NDUFAF2: variants seen among roughly 807,000 people sequenced by gnomAD.
NDUFAF2 encodes NADH:ubiquinone oxidoreductase complex assembly factor 2, also known as NADH dehydrogenase [ubiquinone] 1 alpha subcomplex assembly factor 2.
Under a neutral mutation model 22.8 loss-of-function variants are expected in NDUFAF2, and 13 were observed. That is an observed-to-expected ratio of 0.57 (90% CI 0.37 to 0.91). The LOEUF is 0.91. Among genes scored for constraint, NDUFAF2 ranks in the 40% least tolerant of loss-of-function variants. NDUFAF2 has a pLI of 0.01. For synonymous variants in NDUFAF2, 53 were observed against 64.2 expected (o/e 0.83, Z 0.84); for missense variants, 162 against 195.2 (o/e 0.83, Z 1.01).
intron 1 of NDUFAF2, among the ~76,000 whole-genome samples, chr5:60,970,909 A>C (rs1242876591): frequency 6.6e-6 from 1 of 152,114 alleles, no homozygotes; most frequent in East Asian, 1.9e-4. Context: ...TTTTGTCTAC[A>C]TAATTTGTCT....
intron 2 of NDUFAF2, among the ~76,000 whole-genome samples, chr5:61,085,183 A>G (rs1390150091): frequency 6.6e-6 from 1 of 152,218 alleles, no homozygotes; most frequent in Non-Finnish European, 1.5e-5. Context: ...CCAGCAATAT[A>G]TAAAAAGGGC....
At chr5:61,083,865 T>C (rs1462981717) in intron 2 of NDUFAF2, among the ~76,000 whole-genome samples, 3 of 151,836 alleles carry the variant, frequency 2.0e-5, no homozygotes, top group Non-Finnish European at 4.4e-5. Flanking sequence ...AACTCACTTA[T>C]CAATTGTATC....
intron 3 of NDUFAF2, among the ~76,000 whole-genome samples, chr5:61,114,185 C>G (rs1752878963): frequency 6.6e-6 from 1 of 152,070 alleles, no homozygotes; most frequent in Admixed American, 6.6e-5. Flanking sequence ...AGGTTATTTT[C>G]TAGATCATGT....
At position 61,074,621 on chromosome 5, in the gene NDUFAF2, G is replaced by A. The variant is rs532060016; in HGVS notation, c.217+1407G>A. Among the ~76,000 whole-genome samples, 11 of 148,430 alleles carry A rather than the reference G, an allele frequency of 7.4e-5. No individual in the cohort carries two copies. In the South Asian group the frequency reaches 2.2e-3, roughly 29 times the overall value. On this transcript the variant is annotated intron_variant, in intron 2 of 3. Coordinates refer to ENST00000296597, the MANE Select transcript of NDUFAF2 (RefSeq NM_174889.5). ...AAAAAATTCAAAAAATTAGCCAGTC[G>A]TGGTGGCACAGGCCTGTAATCCCAG...
intron 3 of NDUFAF2, among the ~76,000 whole-genome samples, chr5:61,105,912 C>A (rs1752757403): frequency 1.3e-5 from 2 of 151,324 alleles, no homozygotes; most frequent in Admixed American, 6.6e-5. Context: ...AAGAATGAAT[C>A]CTAATCTGGC....
intron 3 of NDUFAF2, among the ~76,000 whole-genome samples, chr5:61,148,219 A>G (rs1471381960): frequency 2.0e-5 from 3 of 152,142 alleles, no homozygotes; most frequent in African/African-American, 7.2e-5. Context: ...GCAACCAGTA[A>G]TGTGTCTCCA....
intron 1 of NDUFAF2, among the ~76,000 whole-genome samples, chr5:60,990,005 G>A (rs1438106863): frequency 1.3e-5 from 2 of 152,104 alleles, no homozygotes; most frequent in African/African-American, 2.4e-5. Context: ...TTGCAACAAC[G>A]TAGATGGAAC....
intron 1 of NDUFAF2, among the ~76,000 whole-genome samples, chr5:61,049,461 A>T (rs1051259332): frequency 3.9e-5 from 6 of 152,306 alleles, no homozygotes; most frequent in Admixed American, 3.3e-4. Context: ...TACACATAAC[A>T]TAAAATTTAC....
At chr5:61,008,250 T>C (rs1751397841) in intron 1 of NDUFAF2, among the ~76,000 whole-genome samples, 1 of 151,788 alleles carries the variant, frequency 6.6e-6, no homozygotes, top group Non-Finnish European at 1.5e-5. Context: ...CATGTATACA[T>C]ATGTAACTAA....
chr5:61,061,684 G>GT (rs1752167171), intron 1 of NDUFAF2, among the ~76,000 whole-genome samples: 1 of 152,136 alleles, frequency 6.6e-6, no homozygotes, highest in Admixed American at 6.6e-5. Context: ...TGCTATAGTG[G>GT]TTTTGAAAGA....
chr5:60,975,550 A>G (rs566602156), intron 1 of NDUFAF2, among the ~76,000 whole-genome samples: 48 of 152,316 alleles, frequency 3.2e-4, no homozygotes, highest in Admixed American at 5.2e-4. Context: ...GTTATTAACA[A>G]TAGATGGTAT....
intron 1 of NDUFAF2, among the ~76,000 whole-genome samples, chr5:61,069,842 A>G (rs1752274004): frequency 6.6e-6 from 1 of 152,152 alleles, no homozygotes; most frequent in Non-Finnish European, 1.5e-5. Flanking sequence ...AAACAAAGAA[A>G]TAGGAAATCT....
intron 1 of NDUFAF2, among the ~76,000 whole-genome samples, chr5:61,063,754 G>A (rs1258108158): frequency 1.3e-5 from 2 of 151,992 alleles, no homozygotes; most frequent in African/African-American, 4.8e-5. Context: ...GAATGATAAA[G>A]AGAAATGAAT....
chr5:61,092,303 T>G (rs1487305021), intron 2 of NDUFAF2, among the ~76,000 whole-genome samples: 2 of 152,216 alleles, frequency 1.3e-5, no homozygotes, highest in Non-Finnish European at 2.9e-5. Context: ...TAAATTGCTT[T>G]GGGCAGTATG....
intron 1 of NDUFAF2, among the ~76,000 whole-genome samples, chr5:60,971,897 A>G (rs563272807): frequency 1.4e-4 from 20 of 146,744 alleles, no homozygotes; most frequent in Admixed American, 1.3e-3. Context: ...ATTTCTTAAT[A>G]TTTGGCTGAT....
chr5:61,074,190 G>A (rs1386186990), intron 2 of NDUFAF2, among the ~76,000 whole-genome samples: 2 of 152,148 alleles, frequency 1.3e-5, no homozygotes, highest in East Asian at 3.9e-4. Flanking sequence ...GGTGACTCAC[G>A]CCTGTAATCC....
chr5:61,008,165 G>A (rs1427721977), intron 1 of NDUFAF2, among the ~76,000 whole-genome samples: 1 of 115,800 alleles, frequency 8.6e-6, no homozygotes, highest in Admixed American at 1.0e-4. Flanking sequence ...GGTGGGGGGA[G>A]GGGGGAGGGA....
chr5:60,952,551 T>A (rs939878537), intron 1 of NDUFAF2, among the ~76,000 whole-genome samples: 4 of 152,154 alleles, frequency 2.6e-5, no homozygotes, highest in African/African-American at 9.6e-5. Context: ...GAACATATTT[T>A]ATATGATTTC....
At chr5:60,960,227 T>G (rs1750666556) in intron 1 of NDUFAF2, among the ~76,000 whole-genome samples, 1 of 152,176 alleles carries the variant, frequency 6.6e-6, no homozygotes, top group African/African-American at 2.4e-5. Flanking sequence ...GGTTTTGTAA[T>G]TGCTTTATAT....
Sources: gnomAD v4.1 joint callset for allele counts (sites outside exome capture counted in the v4.1 genomes callset) on GRCh38, gnomAD v4.1.1 for gene constraint, MANE v1.5 for transcripts, NCBI Gene and HGNC (gene_info 2026-07-23, HGNC 2026-07-21) for gene names.